FAM107A: variants seen among roughly 807,000 people sequenced by gnomAD.
FAM107A encodes the protein family with sequence similarity 107 member A.
A neutral mutation model predicts 13.7 loss-of-function variants in FAM107A; 19 were observed. The ratio of observed to expected loss-of-function variants is 1.38; its 90% CI spans 0.97 to 2.03. The LOEUF is 2.03. FAM107A is among the 30% of genes most tolerant of loss of function. The pLI is 0.00. For synonymous variants in FAM107A, 82 were observed against 74.5 expected (o/e 1.10, Z -0.52); for missense variants, 203 against 184.4 (o/e 1.10, Z -0.58).
At chr3:58,576,985 G>A (rs2063736076) in intron 1 of FAM107A, among the ~76,000 whole-genome samples, 1 of 152,230 alleles carries the variant, frequency 6.6e-6, no homozygotes, top group African/African-American at 2.4e-5. Flanking sequence ...CCCATACTGT[G>A]TGATAATTGA....
chr3:58,570,801 G>A (rs2063676207), intron 1 of FAM107A, among the ~76,000 whole-genome samples: 1 of 152,236 alleles, frequency 6.6e-6, no homozygotes, highest in Non-Finnish European at 1.5e-5. Context: ...CTGACAGTTG[G>A]CAGTGTCTGG....
At chr3:58,578,151 A>T (rs2063745732), upstream of FAM107A, among the ~76,000 whole-genome samples, 1 of 152,140 alleles carries the variant, frequency 6.6e-6, no homozygotes, top group South Asian at 2.1e-4. Context: ...AGCATATAGG[A>T]CTTTTCTCCA....
intron 1 of FAM107A, among the ~76,000 whole-genome samples, chr3:58,575,566 G>A (rs765958875): frequency 1.3e-5 from 2 of 152,136 alleles, no homozygotes; most frequent in Non-Finnish European, 2.9e-5. Context: ...GACCTTGGAC[G>A]CCAAATTCAA....
intron 1 of FAM107A, chr3:58,570,315 GA>G: frequency 1.1e-6 from 1 of 896,394 alleles, no homozygotes; most frequent in Non-Finnish European, 1.3e-6. Flanking sequence ...GTGATAAAAA[GA>G]AAGTATTACC....
intron 1 of FAM107A, chr3:58,626,991 C>T: frequency 6.5e-7 from 1 of 1,536,018 alleles, no homozygotes; most frequent in Non-Finnish European, 8.7e-7. Flanking sequence ...TGGGCTGCTC[C>T]CATGGCACGA....
In FAM107A at chr3:58,605,465, G is replaced by A. The variant is rs564863273; in HGVS notation, c.-69-16196C>T. On this transcript the variant is annotated intron_variant, in intron 1 of 3. Transcript: ENST00000465970. ...CCAAACCCTGATCTCTGCCTCCTGA[G>A]CTCAGAGGGACTACCATGTTCTGTT... Among the ~76,000 whole-genome samples, 216 of 152,284 alleles carry A rather than the reference G, an allele frequency of 1.4e-3. 4 individuals are homozygous for A. In the South Asian group the frequency reaches 0.043, roughly 30 times the overall value.
At chr3:58,575,312 G>A (rs2063721651) in intron 1 of FAM107A, among the ~76,000 whole-genome samples, 1 of 152,174 alleles carries the variant, frequency 6.6e-6, no homozygotes, top group Non-Finnish European at 1.5e-5. Context: ...GAGCAGTTTG[G>A]AGGGTGAAGT....
chr3:58,569,684 T>A lies in FAM107A; in HGVS notation c.170+7A>T, dbSNP rs1236654880. On this transcript the variant is annotated splice_region_variant and intron_variant, in intron 2 of 3. Transcript: ENST00000360997. The surrounding 1 kb of genome is among the most constrained non-coding windows in gnomAD (Gnocchi z 5.7). ...GCGGGGCCCAGGCAGCAGGGCTTCA[T>A]CCCTACCTTCTGTGGTTCATGAGCA... 6.2e-7 allele frequency: 1 copy of A among 1,610,626 alleles called. No individual in the cohort carries two copies. The highest frequency in any genetic ancestry group is 1.1e-5 in the South Asian group (1 of 90,724).
chr3:58,595,964 A>G (rs1023346591), intron 1 of FAM107A, among the ~76,000 whole-genome samples: 2 of 152,230 alleles, frequency 1.3e-5, no homozygotes, highest in African/African-American at 4.8e-5. Context: ...ACCGTTTCCA[A>G]ATCGGGAGAT....
At chr3:58,594,569 A>G (rs1268901966) in intron 1 of FAM107A, among the ~76,000 whole-genome samples, 1 of 152,154 alleles carries the variant, frequency 6.6e-6, no homozygotes, top group Non-Finnish European at 1.5e-5. Flanking sequence ...TTCTCCACCT[A>G]TATGTGTCTA....
exon 1 of FAM107A, chr3:58,586,993 G>T (rs1575447251): frequency 6.8e-7 from 1 of 1,478,998 alleles, no homozygotes; most frequent in African/African-American, 1.4e-5. Flanking sequence ...CGCACAGCAG[G>T]AGCGTAGTCC....
intron 1 of FAM107A, among the ~76,000 whole-genome samples, chr3:58,594,765 G>A (rs2065684267): frequency 6.6e-6 from 1 of 152,164 alleles, no homozygotes; most frequent in African/African-American, 2.4e-5. Context: ...AAAGAGGACT[G>A]TATATTTTCA....
intron 1 of FAM107A, chr3:58,627,188 T>G (rs894468370): frequency 1.0e-4 from 62 of 600,216 alleles, no homozygotes; most frequent in Admixed American, 2.9e-5. Flanking sequence ...CAGACAGGCT[T>G]AGGGCGATTG....
At chr3:58,597,744 G>A (rs1192338176) in intron 1 of FAM107A, among the ~76,000 whole-genome samples, 1 of 152,206 alleles carries the variant, frequency 6.6e-6, no homozygotes, top group Non-Finnish European at 1.5e-5. Flanking sequence ...TCTGAGATTA[G>A]GGAAGAGTGA....
chr3:58,627,368 G>A (rs1165461754), intron 1 of FAM107A: 1 of 240,072 alleles, frequency 4.2e-6, no homozygotes, highest in Admixed American at 5.3e-5. Flanking sequence ...GCTCAGGCGC[G>A]GCGGGTGACC....
intron 1 of FAM107A, among the ~76,000 whole-genome samples, chr3:58,585,348 C>CT (rs1410157664): frequency 6.6e-6 from 1 of 152,236 alleles, no homozygotes; most frequent in Admixed American, 6.5e-5. Flanking sequence ...AAAGCTACTC[C>CT]TTCTCTGCCT....
rs147077613 is a variant in FAM107A at position 58,627,169 on chromosome 3, G to A, written c.-70+247C>T. On this transcript the variant is annotated intron_variant, in intron 1 of 3. Coordinates refer to the FAM107A transcript ENST00000465970. Reference sequence around the variant, plus strand: ...GGCTTTCACAGCTGCTCCTAAGCCCGGAGCGCCTCAGACAGGCTTAGGGCG... The same window carrying A: ...GGCTTTCACAGCTGCTCCTAAGCCCAGAGCGCCTCAGACAGGCTTAGGGCG... The A allele has an allele frequency of 4.8e-4, 313 of 645,922 alleles. 1 individual carries two copies. In the East Asian group the frequency reaches 8.3e-3, roughly 17 times the overall value. 40.0% of individuals were successfully genotyped at this position (645,922 alleles called of 1,614,324 possible). A position where few individuals can be genotyped will look rare whatever the true frequency, so the allele number is the denominator to read the frequency against.
At chr3:58,587,116 AG>A (rs538865692), upstream of FAM107A, 125 of 1,370,956 alleles carry the variant, frequency 9.1e-5, 1 homozygote, top group African/African-American at 1.5e-3. Flanking sequence ...CGGGGGAAGG[AG>A]GGGGGCAGGG....
intron 1 of FAM107A, among the ~76,000 whole-genome samples, chr3:58,600,248 C>A (rs894827332): frequency 6.6e-6 from 1 of 152,142 alleles, no homozygotes; most frequent in Non-Finnish European, 1.5e-5. Context: ...CTCACAGCAA[C>A]CTTTCAGGGT....
Sources: gnomAD v4.1 joint callset for allele counts (sites outside exome capture counted in the v4.1 genomes callset) on GRCh38, gnomAD v4.1.1 for gene constraint, Gnocchi (gnomAD v3.1) non-coding constraint, MANE v1.5 for transcripts, NCBI Gene and HGNC (gene_info 2026-07-23, HGNC 2026-07-21) for gene names.